Variants in TFPI2 observed in about 807,000 individuals in gnomAD.
TFPI2 encodes the protein placental protein 5.
TFPI2 carries 23 observed loss-of-function variants against 23.1 expected under a neutral mutation model. That is an observed-to-expected ratio of 1.00 (90% confidence interval 0.72 to 1.41). TFPI2 has a LOEUF of 1.41. Among genes scored for constraint, TFPI2 ranks in the 40% most tolerant of loss-of-function variants. The pLI is 0.00. For synonymous variants in TFPI2, 119 were observed against 111.7 expected, an observed-to-expected ratio of 1.07 and a Z score of -0.41; for missense variants, 291 against 299.6, an observed-to-expected ratio of 0.97 and a Z score of 0.21.
At chr7:93,888,745 T>A (rs1194461166) in intron 3 of TFPI2, among the ~76,000 whole-genome samples, 1 of 151,866 alleles carries the variant, frequency 6.6e-6, no homozygotes, top group East Asian at 1.9e-4. Flanking sequence ...GAGAATCGCT[T>A]GAACCCGGGA....
chr7:93,890,731 C>T lies in TFPI2; in HGVS notation c.-53G>A. The T allele has an allele frequency of 6.5e-7, 1 of 1,537,548 alleles. No individual in the cohort carries two copies. Among genetic ancestry groups the T allele is most frequent in the Non-Finnish European group, 8.9e-7 (1 of 1,127,586 alleles). On this transcript the variant is annotated 5_prime_UTR_variant, in exon 1 of 5. Transcript: ENST00000222543. ...GCAAGGCGTCCGAGAAAGCGCCTGGCGGGAGGAGGTGCGCGGCTTTCTGCT... is the reference window on the plus strand; with the variant it reads ...GCAAGGCGTCCGAGAAAGCGCCTGGTGGGAGGAGGTGCGCGGCTTTCTGCT...
rs746871436 is a variant in TFPI2 at position 93,890,669 on chromosome 7, C to G, written c.10G>C (p.Ala4Pro). 2 of 1,612,482 alleles carry G rather than the reference C, an allele frequency of 1.2e-6. No homozygotes were observed. The highest frequency in any genetic ancestry group is 2.2e-5 in the South Asian group (2 of 90,984). MDP[A>P]RPLGLSILLL... ...AGAATCGACAGCCCCAGGGGGCGAG[C>G]GGGGTCCATGGTGCAGGGGGTCGGG... The change falls in exon 1 of 5, where the codon GCT (alanine) becomes CCT (proline). Residue 4 changes from alanine (A) to proline (P), a missense_variant. Ala to Pro is a conservative substitution (Grantham distance 27). Coordinates refer to ENST00000222543, the MANE Select transcript of TFPI2 (RefSeq NM_006528.4).
Position 93,890,155 on chromosome 7 carries a change from C to G in TFPI2, c.253G>C (p.Ala85Pro), listed in dbSNP as rs35683413. The G allele has an allele frequency of 3.4e-5, 54 of 1,608,312 alleles. No individual in the cohort carries two copies. Among genetic ancestry groups the G allele is most frequent in the Middle Eastern group, 3.3e-4 (2 of 6,062 alleles). The change falls in exon 2 of 5, where the codon GCT becomes CCT. Residue 85 changes from alanine (A) to proline (P), a missense_variant. Transcript: ENST00000222543. ...NFYTWEACDDACWRIEKVPKV... is the reference protein window; with the variant it reads ...NFYTWEACDDPCWRIEKVPKV... ...CACTTACTTTCTATCCTCCAGCAAG[C>G]ATCGTCGCAAGCCTCCCAGGTGTAG...
At chr7:93,887,046 TTTTAC>T in intron 4 of TFPI2, 150 bp from the exon 5 acceptor site, 2 of 757,910 alleles carry the variant, frequency 2.6e-6, no homozygotes, top group Non-Finnish European at 4.1e-6. Flanking sequence ...GTTAATAATA[TTTTAC>T]CTTTAAGATA....
In TFPI2 at chr7:93,886,519, C is replaced by T. The variant is rs1793995018; in HGVS notation, c.*301G>A. 1 of 236,736 alleles carries T rather than the reference C, an allele frequency of 4.2e-6. No homozygotes were observed. Among genetic ancestry groups the T allele is most frequent in the South Asian group, 1.1e-4 (1 of 9,420 alleles). 14.7% of individuals were successfully genotyped at this position (236,736 alleles called of 1,614,324 possible). A position where few individuals can be genotyped will look rare whatever the true frequency, so the allele number is the denominator to read the frequency against. On this transcript the variant is annotated 3_prime_UTR_variant, in exon 5 of 5. Coordinates refer to ENST00000222543, the MANE Select transcript of TFPI2 (RefSeq NM_006528.4). ...ATGTTGTTTCAGTTATGATCCTCTT[C>T]TGAAATCAGGAATACGACCCCAAGA... is the stretch of plus-strand genomic sequence containing the variant.
intron 4 of TFPI2, 132 bp downstream of exon 4, chr7:93,887,129 C>T (rs1024390): frequency 0.039 from 35,781 of 923,908 alleles, 1,615 homozygotes; most frequent in East Asian, 0.2. Context: ...ATTAACACTA[C>T]GGAGATACTT....
chr7:93,888,405 T>A (rs1039435801), intron 3 of TFPI2, among the ~76,000 whole-genome samples: 4 of 151,640 alleles, frequency 2.6e-5, no homozygotes, highest in African/African-American at 7.3e-5. Flanking sequence ...ACACCTGTAA[T>A]CCCAGCATTT....
chr7:93,889,163 T>A lies in TFPI2; in HGVS notation c.332A>T (p.Glu111Val). The change falls in exon 3 of 5, where the codon GAA (glutamate) becomes GTA (valine). Residue 111 changes from glutamate (E) to valine (V), a missense_variant. Coordinates refer to ENST00000222543, the MANE Select transcript of TFPI2 (RefSeq NM_006528.4). ...GGAACTTAGATTAAAGAAATACTTT[T>A]CTGTGGACCCCTCACACTGGTCGTC... is the stretch of plus-strand genomic sequence containing the variant. ...SVDDQCEGST[E>V]KYFFNLSSMT... 6.2e-7 allele frequency: 1 copy of A among 1,613,226 alleles called. No individual in the cohort carries two copies. The highest frequency in any genetic ancestry group is 1.1e-5 in the South Asian group (1 of 90,812).
chr7:93,887,395 A>G lies in TFPI2; in HGVS notation c.497T>C (p.Leu166Pro). The change falls in exon 4 of 5, where the codon CTG becomes CCG. Residue 166 changes from leucine (L) to proline (P), a missense_variant. Physicochemically the swap from Leu to Pro is moderately conservative, Grantham distance 98. Coordinates refer to ENST00000222543, the MANE Select transcript of TFPI2 (RefSeq NM_006528.4). Reference sequence around the variant, plus strand: ...ATAGCGAGTCACATTGGCAGAGCACAGTCCCTCATCTTTTGGACTGTAGCA... The same window carrying G: ...ATAGCGAGTCACATTGGCAGAGCACGGTCCCTCATCTTTTGGACTGTAGCA... ...SFCYSPKDEGLCSANVTRYYF... is the reference protein window; with the variant it reads ...SFCYSPKDEGPCSANVTRYYF... 1 of 1,613,614 alleles carries G rather than the reference A, an allele frequency of 6.2e-7. No individual in the cohort carries two copies. The highest frequency in any genetic ancestry group is 8.5e-7 in the Non-Finnish European group (1 of 1,179,772).
Position 93,890,641 on chromosome 7 carries a change from A to G in TFPI2, c.38T>C (p.Leu13Pro), listed in dbSNP as rs753324768. Residue 13 changes from leucine to proline, a missense_variant, in exon 1 of 5, where the codon CTG becomes CCG. Coordinates refer to ENST00000222543, the MANE Select transcript of TFPI2 (RefSeq NM_006528.4). ...CAGTGCAGCCTCCGTCAGGAAAAGC[A>G]GCAGAATCGACAGCCCCAGGGGGCG... The part of the protein sequence containing the change: ...PARPLGLSIL[L>P]LFLTEAALGD... The G allele has an allele frequency of 1.2e-6, 2 of 1,613,392 alleles. No individual in the cohort carries two copies. Among genetic ancestry groups the G allele is most frequent in the South Asian group, 1.1e-5 (1 of 91,058 alleles).
chr7:93,889,660 CAT>C (rs1178423946), intron 2 of TFPI2, among the ~76,000 whole-genome samples: 6 of 152,288 alleles, frequency 3.9e-5, no homozygotes, highest in Middle Eastern at 3.4e-3. Flanking sequence ...TAATCCAACA[CAT>C]GTTTGGGTAT....
rs533647520 is a variant in TFPI2, at chr7:93,886,859, A to G, written c.669T>C (p.Phe223=). 7 of 1,551,216 alleles carry G rather than the reference A, an allele frequency of 4.5e-6. 1 individual carries two copies. The Admixed American group carries it at 1.2e-4, about 25-fold the overall frequency. ...TCCGAATTTTCCGGATTCTACTGGCAAAGCGAAGCTTTGGCATCTTCTTTT... is the reference window on the plus strand; with the variant it reads ...TCCGAATTTTCCGGATTCTACTGGCGAAGCGAAGCTTTGGCATCTTCTTTT... ...KKKKKMPKLR[F]ASRIRKIRKK... Residue 223 remains phenylalanine (F), a synonymous_variant, in exon 5 of 5, where the codon TTT becomes TTC. Coordinates refer to ENST00000222543, the MANE Select transcript of TFPI2 (RefSeq NM_006528.4).
At position 93,886,269 on chromosome 7, in the gene TFPI2, T is replaced by A. The variant is rs1280974212; in HGVS notation, c.*551A>T. 1.3e-5 allele frequency: 2 copies of A among 152,114 alleles called. No individual in the cohort carries two copies. Among genetic ancestry groups the A allele is most frequent in the Non-Finnish European group, 2.9e-5 (2 of 67,936 alleles). 9.4% of individuals were successfully genotyped at this position (152,114 alleles called of 1,614,324 possible). ...GGCTTTAATAAATTGATTAGCTTTTTAAATCAGTCAAGAAAGTTAAGATCT... is the reference window on the plus strand; with the variant it reads ...GGCTTTAATAAATTGATTAGCTTTTAAAATCAGTCAAGAAAGTTAAGATCT... On this transcript the variant is annotated 3_prime_UTR_variant, in exon 5 of 5. Transcript: ENST00000222543.
chr7:93,888,724 G>A (rs563273564), intron 3 of TFPI2, among the ~76,000 whole-genome samples: 1 of 152,178 alleles, frequency 6.6e-6, no homozygotes, highest in East Asian at 1.9e-4. Flanking sequence ...CTACTCAGGA[G>A]GCTGAGGCAG....
chr7:93,890,192 G>A lies in TFPI2; in HGVS notation c.216C>T (p.Asn72=), dbSNP rs1794100146. Residue 72 remains asparagine, a synonymous_variant, in exon 2 of 5, where the codon AAC becomes AAT. Transcript: ENST00000222543. ...CCTCCCAGGTGTAGAAATTGTTGGC[G>A]TTGCCCTCGCAGCCCCCGTACAGGA... ...RQFLYGGCEG[N]ANNFYTWEAC... 1.2e-6 allele frequency: 2 copies of A among 1,613,358 alleles called. No individual in the cohort carries two copies. Among genetic ancestry groups the A allele is most frequent in the Non-Finnish European group, 8.5e-7 (1 of 1,179,526 alleles).
rs1251215241 is a variant in TFPI2, at chr7:93,886,660, T to G, written c.*160A>C. Reference sequence around the variant, plus strand: ...CACATTTGAATAGCAGCTAGTTATATATAAAAAAATCCAAATTTTTTAAAA... The same window carrying G: ...CACATTTGAATAGCAGCTAGTTATAGATAAAAAAATCCAAATTTTTTAAAA... On this transcript the variant is annotated 3_prime_UTR_variant, in exon 5 of 5. Transcript: ENST00000222543. 1.9e-6 allele frequency: 1 copy of G among 517,246 alleles called. No homozygotes were observed. The highest frequency in any genetic ancestry group is 3.3e-6 in the Non-Finnish European group (1 of 301,000). The allele number at this position is 517,246 out of a possible 1,614,324, so 32.0% of individuals were successfully genotyped here.
intron 1 of TFPI2, 32 bp downstream of exon 1, chr7:93,890,557 GTT>G (rs1260368018): frequency 6.2e-7 from 1 of 1,605,304 alleles, no homozygotes. Flanking sequence ...CTCTCCGCCG[GTT>G]GGGGAGAGAA....
chr7:93,890,707 C>T lies in TFPI2; in HGVS notation c.-29G>A. 1 of 1,593,242 alleles carries T rather than the reference C, an allele frequency of 6.3e-7. No homozygotes were observed. The highest frequency in any genetic ancestry group is 1.7e-5 in the Admixed American group (1 of 57,870). On this transcript the variant is annotated 5_prime_UTR_variant, in exon 1 of 5. Coordinates refer to ENST00000222543, the MANE Select transcript of TFPI2 (RefSeq NM_006528.4). ...GCAGGGGGTCGGGCGGCCCGCTGGG[C>T]AAGGCGTCCGAGAAAGCGCCTGGCG...
intron 1 of TFPI2, 118 bp from the exon 2 acceptor site, chr7:93,890,437 A>G: frequency 7.0e-7 from 1 of 1,433,642 alleles, no homozygotes; most frequent in Non-Finnish European, 9.3e-7. Context: ...CTCTGCAGAG[A>G]AAGTGCAAAC....
Sources: allele counts gnomAD v4.1 joint callset (sites outside exome capture counted in the v4.1 genomes callset), GRCh38; gene constraint gnomAD v4.1.1; transcripts MANE v1.5; gene names NCBI Gene and HGNC (gene_info 2026-07-23, HGNC 2026-07-21).